ITPR1: variants seen among roughly 807,000 people sequenced by gnomAD.
The protein encoded by ITPR1 is inositol 1,4,5-trisphosphate-gated calcium channel ITPR1.
Under a neutral mutation model 318.4 loss-of-function variants are expected in ITPR1, and 96 were observed. That is an observed-to-expected ratio of 0.30 (90% CI 0.26 to 0.36). The LOEUF (loss-of-function observed/expected upper bound fraction) is 0.36. Among genes scored for constraint, ITPR1 ranks in the 10% least tolerant of loss-of-function variants. The pLI is 1.00. For missense variants in ITPR1, 2,440 were observed against 3,460.2 expected (o/e 0.71, Z 7.40); for synonymous variants, 1,312 against 1,289.9 (o/e 1.02, Z -0.37).
intron 60 of ITPR1, among the ~76,000 whole-genome samples, chr3:4,824,182 C>T (rs1001364010): frequency 3.3e-5 from 5 of 152,118 alleles, no homozygotes; most frequent in African/African-American, 7.2e-5. Context: ...CCAGCGCTGC[C>T]GTTTCTGGAG....
chr3:4,520,819 T>C (rs1021189575), intron 3 of ITPR1, among the ~76,000 whole-genome samples: 18 of 152,220 alleles, frequency 1.2e-4, no homozygotes, highest in Admixed American at 4.6e-4. Flanking sequence ...GTAGCCTTAA[T>C]GTGTCCTTCA....
intron 25 of ITPR1, 147 bp downstream of exon 25, chr3:4,680,838 T>G: frequency 1.4e-6 from 1 of 706,932 alleles, no homozygotes. Context: ...TTACTCTTTT[T>G]GAGCAAGTGA....
intron 7 of ITPR1, among the ~76,000 whole-genome samples, chr3:4,642,827 T>G (rs2093368125): frequency 2.6e-5 from 4 of 152,218 alleles, no homozygotes; most frequent in African/African-American, 9.6e-5. Context: ...TGATATTTGT[T>G]GGCTGAATTA....
At chr3:4,637,328 A>G (rs1034916410) in intron 5 of ITPR1, among the ~76,000 whole-genome samples, 4 of 152,246 alleles carry the variant, frequency 2.6e-5, no homozygotes, top group Non-Finnish European at 5.9e-5. Flanking sequence ...GATGCAGTCC[A>G]ATGTTATGTT....
At chr3:4,577,740 A>AT (rs2088840043) in intron 4 of ITPR1, among the ~76,000 whole-genome samples, 1 of 152,234 alleles carries the variant, frequency 6.6e-6, no homozygotes, top group Admixed American at 6.5e-5. Context: ...TGAAAAAAGG[A>AT]TAACATTTTG....
chr3:4,719,708 G>C (rs1304622425), intron 40 of ITPR1, among the ~76,000 whole-genome samples: 1 of 152,214 alleles, frequency 6.6e-6, no homozygotes, highest in Non-Finnish European at 1.5e-5. Flanking sequence ...GGCCCTGTCA[G>C]TGCTCTGAGA....
rs761229050 is a variant in ITPR1, at chr3:4,806,200, A to G, written c.7205A>G (p.Tyr2402Cys). 1.2e-6 allele frequency: 2 copies of G among 1,613,932 alleles called. No homozygotes were observed. The highest frequency in any genetic ancestry group is 8.5e-7 in the Non-Finnish European group (1 of 1,179,806). Residue 2402 changes from tyrosine to cysteine, a missense_variant, in exon 55 of 62, where the codon TAT becomes TGT. Coordinates refer to ENST00000649015, the MANE Select transcript of ITPR1 (RefSeq NM_001378452.1). The stretch of plus-strand genomic sequence containing the variant: ...ATGGTTCTGGATGTTGAGTTCCTCT[A>G]TCATTTGTTGTATCTGGTGATCTGT... The part of the protein sequence containing the change: ...RAMVLDVEFL[Y>C]HLLYLVICAM...
intron 49 of ITPR1, among the ~76,000 whole-genome samples, chr3:4,782,067 G>A (rs1403889130): frequency 6.6e-6 from 1 of 152,246 alleles, no homozygotes; most frequent in African/African-American, 2.4e-5. Flanking sequence ...CCTAGACACA[G>A]TCCTTGGCAC....
At chr3:4,598,032 G>A (rs1237149527) in intron 4 of ITPR1, among the ~76,000 whole-genome samples, 1 of 152,246 alleles carries the variant, frequency 6.6e-6, no homozygotes, top group East Asian at 1.9e-4. Context: ...TGCCTGCTGA[G>A]TCTTCCGTTT....
At chr3:4,782,883 G>T (rs2046925503) in intron 50 of ITPR1, 142 bp downstream of exon 50, 2 of 714,114 alleles carry the variant, frequency 2.8e-6, no homozygotes, top group Non-Finnish European at 2.0e-6. Context: ...GCTCACAGGT[G>T]CTCGTGGCAA....
At chr3:4,825,193 C>T (rs1388294857) in intron 60 of ITPR1, among the ~76,000 whole-genome samples, 2 of 152,198 alleles carry the variant, frequency 1.3e-5, no homozygotes, top group African/African-American at 4.8e-5. Flanking sequence ...TCTCCTGCTC[C>T]CTCTTCCTTG....
chr3:4,558,237 G>A (rs1246788129), intron 4 of ITPR1, among the ~76,000 whole-genome samples: 3 of 152,102 alleles, frequency 2.0e-5, no homozygotes, highest in Admixed American at 6.5e-5. Flanking sequence ...AGAGTTTGAA[G>A]AAAGTTAAGG....
intron 4 of ITPR1, among the ~76,000 whole-genome samples, chr3:4,533,213 A>G (rs1296439586): frequency 1.3e-5 from 2 of 152,236 alleles, no homozygotes; most frequent in African/African-American, 4.8e-5. Flanking sequence ...AATGTTTGAA[A>G]AAATGAACAA....
chr3:4,588,516 TC>T (rs1161167776), intron 4 of ITPR1, among the ~76,000 whole-genome samples: 1 of 152,140 alleles, frequency 6.6e-6, no homozygotes, highest in African/African-American at 2.4e-5. Context: ...GACTCTCTCT[TC>T]CGCTTTCTCA....
chr3:4,521,967 T>G (rs2082604065), intron 4 of ITPR1, among the ~76,000 whole-genome samples: 1 of 152,242 alleles, frequency 6.6e-6, no homozygotes, highest in African/African-American at 2.4e-5. Flanking sequence ...ATTTGGTATC[T>G]TTCTCCAAAG....
chr3:4,813,328 G>T, intron 57 of ITPR1, 94 bp downstream of exon 57: 1 of 849,346 alleles, frequency 1.2e-6, no homozygotes, highest in Admixed American at 2.3e-5. Flanking sequence ...TAAATTTACT[G>T]CTCAGGAGTA....
chr3:4,677,455 A>C (rs2094207448), intron 24 of ITPR1, among the ~76,000 whole-genome samples: 1 of 152,218 alleles, frequency 6.6e-6, no homozygotes, highest in Non-Finnish European at 1.5e-5. Flanking sequence ...CAGTACAGTG[A>C]CATGATTACA....
In ITPR1 at chr3:4,524,967, T is replaced by C. The variant is rs182639742; in HGVS notation, c.163+3873T>C. Among the ~76,000 whole-genome samples, 5 of 152,356 alleles carry C rather than the reference T, an allele frequency of 3.3e-5. No homozygotes were observed. The East Asian group carries it at 7.7e-4, about 24-fold the overall frequency. On this transcript the variant is annotated intron_variant, in intron 4 of 61. Transcript: ENST00000649015. The stretch of plus-strand genomic sequence containing the variant: ...TTAAGAATTTAGTACGGGGGGAGTC[T>C]GACCCTTAGTTAAGAGTTTAAGCCT...
Position 4,670,904 on chromosome 3 carries a change from C to A in ITPR1, c.2182C>A (p.Arg728=). 2.5e-6 allele frequency: 4 copies of A among 1,593,742 alleles called. No individual in the cohort carries two copies. Among genetic ancestry groups the A allele is most frequent in the Non-Finnish European group, 3.4e-6 (4 of 1,168,218 alleles). ...QDAKEGQKED[R]DVLSYYRYQL... ...TGCTAAAGAAGGGCAGAAGGAGGACCGAGACGTTCTCAGCTACTACAGGTG... is the reference window on the plus strand; with the variant it reads ...TGCTAAAGAAGGGCAGAAGGAGGACAGAGACGTTCTCAGCTACTACAGGTG... The change falls in exon 20 of 62, where the codon CGA becomes AGA. Residue 728 remains arginine, a synonymous_variant. Transcript: ENST00000649015.
Sources: gnomAD v4.1 joint callset for allele counts (sites outside exome capture counted in the v4.1 genomes callset) on GRCh38, gnomAD v4.1.1 for gene constraint, MANE v1.5 for transcripts, NCBI Gene and HGNC (gene_info 2026-07-23, HGNC 2026-07-21) for gene names.